The following MEIS2 variants were observed in gnomAD, a reference collection of about 807,000 sequenced individuals.
MEIS2 encodes homeobox protein Meis2.
Under a neutral mutation model 58.6 loss-of-function variants are expected in MEIS2, and 9 were observed. That is an observed-to-expected ratio of 0.15 (90% CI 0.09 to 0.27). The LOEUF is 0.27. Among genes scored for constraint, MEIS2 ranks in the 10% least tolerant of loss-of-function variants. The pLI is 1.00. For synonymous variants in MEIS2, 221 were observed against 228.4 expected, an observed-to-expected ratio of 0.97 and a Z score of 0.29; for missense variants, 427 against 635.0, an observed-to-expected ratio of 0.67 and a Z score of 3.52.
chr15:36,954,733 G>A lies in MEIS2; in HGVS notation c.901-4333C>T, dbSNP rs117111556. On this transcript the variant is annotated intron_variant, in intron 8 of 11. Transcript: ENST00000561208. ...GACTGAACAATGCACAATTTGTCAA[G>A]TTACTTCTGTGATAGTGTAATACAA... Among the ~76,000 whole-genome samples, 415 of 152,190 alleles carry A rather than the reference G, an allele frequency of 2.7e-3. 3 individuals carry two copies. Among genetic ancestry groups the A allele is most frequent in the Non-Finnish European group, 5.1e-3 (350 of 68,002 alleles).
rs1014644070 is a variant in MEIS2 at position 36,889,232 on chromosome 15, G to A, written c.*2941C>T. 1 of 152,082 alleles carries A rather than the reference G, an allele frequency of 6.6e-6. No individual in the cohort carries two copies. The highest frequency in any genetic ancestry group is 1.5e-5 in the Non-Finnish European group (1 of 68,008). The allele number at this position is 152,082 out of a possible 1,614,324, so 9.4% of individuals were successfully genotyped here. ...TGGAGAACATAAGCAATTTTATTCA[G>A]ACTACAGTATTTCCTTTAACACTAT... is the stretch of plus-strand genomic sequence containing the variant. On this transcript the variant is annotated 3_prime_UTR_variant, in exon 12 of 12. Coordinates refer to ENST00000561208, the MANE Select transcript of MEIS2 (RefSeq NM_170675.5).
intron 1 of MEIS2, chr15:37,099,112 G>A (rs1894774060): frequency 9.6e-7 from 1 of 1,038,232 alleles, no homozygotes; most frequent in Non-Finnish European, 1.2e-6. Context: ...AGGAGAACCG[G>A]GGGAATCGCG....
At chr15:36,988,878 A>G (rs964803568) in intron 8 of MEIS2, among the ~76,000 whole-genome samples, 3 of 152,186 alleles carry the variant, frequency 2.0e-5, no homozygotes, top group Non-Finnish European at 4.4e-5. Context: ...TTATTACTAG[A>G]TCATCTTATC....
chr15:36,975,647 T>G (rs960611056), intron 8 of MEIS2, among the ~76,000 whole-genome samples: 2 of 152,072 alleles, frequency 1.3e-5, no homozygotes, highest in Admixed American at 6.6e-5. Flanking sequence ...AGGTTTTGGT[T>G]TTTGTTTTTA....
intron 8 of MEIS2, among the ~76,000 whole-genome samples, chr15:36,959,850 A>G (rs2059121225): frequency 1.3e-5 from 2 of 152,156 alleles, no homozygotes; most frequent in African/African-American, 2.4e-5. Flanking sequence ...AAGAGTCTGA[A>G]GTATGTAGCA....
intron 7 of MEIS2, among the ~76,000 whole-genome samples, chr15:37,057,446 C>T (rs768885974): frequency 5.9e-5 from 9 of 152,272 alleles, no homozygotes; most frequent in Non-Finnish European, 1.3e-4. Flanking sequence ...TTTTGCTGGC[C>T]TTTGTGCTGT....
At chr15:37,012,208 A>G (rs2061186962) in intron 8 of MEIS2, among the ~76,000 whole-genome samples, 1 of 152,184 alleles carries the variant, frequency 6.6e-6, no homozygotes, top group Admixed American at 6.5e-5. Flanking sequence ...AGCATGTCCA[A>G]TAAAAGGAAC....
chr15:37,070,404 A>G (rs1890540617), intron 7 of MEIS2, among the ~76,000 whole-genome samples: 1 of 152,152 alleles, frequency 6.6e-6, no homozygotes, highest in South Asian at 2.1e-4. Flanking sequence ...CATTTTCCAG[A>G]GTGTGTTCTG....
intron 8 of MEIS2, among the ~76,000 whole-genome samples, chr15:36,970,280 T>C (rs1223426346): frequency 1.3e-5 from 2 of 151,884 alleles, no homozygotes; most frequent in Non-Finnish European, 2.9e-5. Flanking sequence ...GGCGGGCGCC[T>C]GTAGTCCCAG....
intron 9 of MEIS2, among the ~76,000 whole-genome samples, chr15:36,920,397 T>G (rs2141293920): frequency 6.6e-6 from 1 of 152,328 alleles, no homozygotes; most frequent in South Asian, 2.1e-4. Flanking sequence ...TCCACCCGCC[T>G]CGGCCTCCCA....
intron 5 of MEIS2, 143 bp from the exon 6 acceptor site, chr15:37,093,873 T>C (rs1893856913): frequency 3.0e-6 from 3 of 995,638 alleles, no homozygotes. Context: ...TAACTCTAAT[T>C]AAAGGGTGTA....
chr15:36,934,405 C>T (rs978421964), intron 9 of MEIS2, among the ~76,000 whole-genome samples: 7 of 151,956 alleles, frequency 4.6e-5, no homozygotes, highest in African/African-American at 9.7e-5. Context: ...CAAATCAATA[C>T]ACAAAAAATT....
At chr15:37,098,697 G>A (rs1332547525) in intron 1 of MEIS2, among the ~76,000 whole-genome samples, 1 of 152,166 alleles carries the variant, frequency 6.6e-6, no homozygotes, top group Non-Finnish European at 1.5e-5. Flanking sequence ...GAGTTAGTGT[G>A]AGGAGGAAGC....
intron 7 of MEIS2, among the ~76,000 whole-genome samples, chr15:37,078,524 GT>G (rs1275005053): frequency 2.1e-4 from 4 of 18,778 alleles, no homozygotes; most frequent in African/African-American, 4.7e-4. Context: ...TTTCACCAGA[GT>G]TTTAAAAAAA....
chr15:37,078,369 T>C (rs1308057730), intron 7 of MEIS2, among the ~76,000 whole-genome samples: 1 of 151,476 alleles, frequency 6.6e-6, no homozygotes, highest in African/African-American at 2.4e-5. Flanking sequence ...ATTATCGAGA[T>C]TTTACTTAAA....
chr15:36,994,805 C>T (rs1359040729), intron 8 of MEIS2, among the ~76,000 whole-genome samples: 5 of 152,136 alleles, frequency 3.3e-5, no homozygotes, highest in Admixed American at 6.5e-5. Flanking sequence ...TTTTAAAGTG[C>T]GTTTTTTCTT....
intron 7 of MEIS2, among the ~76,000 whole-genome samples, chr15:37,083,024 A>G (rs926088455): frequency 6.6e-6 from 1 of 152,224 alleles, no homozygotes. Flanking sequence ...CCTGGCCCAC[A>G]TTCAATAATG....
At chr15:36,923,688 C>G (rs1567057888) in intron 9 of MEIS2, among the ~76,000 whole-genome samples, 1 of 152,174 alleles carries the variant, frequency 6.6e-6, no homozygotes, top group Non-Finnish European at 1.5e-5. Flanking sequence ...AAAACACAAA[C>G]AAAAGTCTTT....
At chr15:37,007,480 C>T (rs983860734) in intron 8 of MEIS2, among the ~76,000 whole-genome samples, 7 of 152,174 alleles carry the variant, frequency 4.6e-5, no homozygotes, top group African/African-American at 1.4e-4. Flanking sequence ...AGAAACCCTC[C>T]CTGAGGGTGG....
Sources: gnomAD v4.1 joint callset for allele counts (sites outside exome capture counted in the v4.1 genomes callset) on GRCh38, gnomAD v4.1.1 for gene constraint, MANE v1.5 for transcripts, NCBI Gene and HGNC (gene_info 2026-07-23, HGNC 2026-07-21) for gene names.